The following FAM135B variants were observed in gnomAD, a reference collection of about 807,000 sequenced individuals.
FAM135B encodes the protein protein FAM135B.
A neutral mutation model predicts 127.7 loss-of-function variants in FAM135B; 43 were observed. The ratio of observed to expected loss-of-function variants is 0.34; its 90% CI spans 0.26 to 0.43. The LOEUF (loss-of-function observed/expected upper bound fraction) is 0.43. Among genes scored for constraint, FAM135B ranks in the 20% least tolerant of loss-of-function variants. FAM135B has a pLI of 1.00. For missense variants in FAM135B, 1,558 were observed against 1,725.6 expected, an observed-to-expected ratio of 0.90 and a Z score of 1.72; for synonymous variants, 670 against 665.1, an observed-to-expected ratio of 1.01 and a Z score of -0.11.
chr8:138,383,727 T>C (rs1431586490), intron 1 of FAM135B, among the ~76,000 whole-genome samples: 1 of 152,228 alleles, frequency 6.6e-6, no homozygotes, highest in African/African-American at 2.4e-5. Context: ...ATGATTCTTC[T>C]TGACACTCTG....
intron 2 of FAM135B, among the ~76,000 whole-genome samples, chr8:138,320,352 T>G (rs1313087310): frequency 2.0e-5 from 3 of 152,128 alleles, no homozygotes; most frequent in South Asian, 2.1e-4. Context: ...CAATGGATAG[T>G]TTAGGGATTA....
chr8:138,248,704 C>G (rs1242007502), intron 6 of FAM135B, among the ~76,000 whole-genome samples: 1 of 151,476 alleles, frequency 6.6e-6, no homozygotes, highest in Non-Finnish European at 1.5e-5. Context: ...CCTGTAGTCC[C>G]AGCTACTTGG....
At chr8:138,436,192 C>T (rs1159991942) in intron 1 of FAM135B, among the ~76,000 whole-genome samples, 1 of 152,166 alleles carries the variant, frequency 6.6e-6, no homozygotes, top group African/African-American at 2.4e-5. Flanking sequence ...AAACAAGCGG[C>T]TAAGCAAATG....
At chr8:138,256,575 G>A (rs572802457) in intron 5 of FAM135B, 114 bp downstream of exon 5, 11 of 828,636 alleles carry the variant, frequency 1.3e-5, no homozygotes, top group African/African-American at 3.4e-5. Flanking sequence ...CTTATCAGGA[G>A]ATGCTGATCT....
At chr8:138,434,242 TG>T (rs1563999288) in intron 1 of FAM135B, among the ~76,000 whole-genome samples, 3 of 152,184 alleles carry the variant, frequency 2.0e-5, no homozygotes, top group Middle Eastern at 3.2e-3. Context: ...AAAAATCAAT[TG>T]CTGTCTAAAT....
intron 9 of FAM135B, among the ~76,000 whole-genome samples, chr8:138,181,387 A>T (rs980892823): frequency 6.6e-6 from 1 of 152,148 alleles, no homozygotes; most frequent in Non-Finnish European, 1.5e-5. Context: ...AGTGCCTCTC[A>T]CTAATAAGAC....
At chr8:138,197,779 T>C (rs1816779488) in intron 7 of FAM135B, 110 bp from the exon 8 acceptor site, 1 of 1,253,922 alleles carries the variant, frequency 8.0e-7, no homozygotes. Flanking sequence ...TGTTTGGAGG[T>C]TCAGGGAAGG....
chr8:138,473,087 C>T (rs1241006562), intron 1 of FAM135B, among the ~76,000 whole-genome samples: 1 of 152,070 alleles, frequency 6.6e-6, no homozygotes, highest in Non-Finnish European at 1.5e-5. Context: ...CAACTCAAAC[C>T]ATTTCCACCT....
intron 1 of FAM135B, among the ~76,000 whole-genome samples, chr8:138,426,476 T>C (rs1406101373): frequency 1.3e-5 from 2 of 151,284 alleles, no homozygotes; most frequent in African/African-American, 2.4e-5. Context: ...TTCTTGGTGA[T>C]ATACTCAACT....
At chr8:138,145,834 G>A in intron 15 of FAM135B, 125 bp downstream of exon 15, 1 of 574,186 alleles carries the variant, frequency 1.7e-6, no homozygotes, top group African/African-American at 1.9e-5. Flanking sequence ...CAAATGCCTG[G>A]CCAGCATCTC....
intron 3 of FAM135B, among the ~76,000 whole-genome samples, chr8:138,280,477 G>A (rs941249658): frequency 1.3e-5 from 2 of 152,120 alleles, no homozygotes; most frequent in Non-Finnish European, 2.9e-5. Flanking sequence ...TATGCTGCTG[G>A]GGGCTGAGCA....
chr8:138,332,212 G>A (rs1175456285), intron 2 of FAM135B, among the ~76,000 whole-genome samples: 2 of 152,110 alleles, frequency 1.3e-5, no homozygotes. Context: ...TGCTTGCATT[G>A]CATCAGGACC....
chr8:138,407,942 A>G (rs1431881800), intron 1 of FAM135B, among the ~76,000 whole-genome samples: 1 of 152,158 alleles, frequency 6.6e-6, no homozygotes, highest in African/African-American at 2.4e-5. Flanking sequence ...ATCTTTTTTT[A>G]CTTTCTGAGC....
Position 138,131,211 on chromosome 8 carries a change from T to C in FAM135B, c.*1382A>G, listed in dbSNP as rs1040032585. 4 of 152,190 alleles carry C rather than the reference T, an allele frequency of 2.6e-5. No individual in the cohort carries two copies. The highest frequency in any genetic ancestry group is 2.6e-4 in the Admixed American group (4 of 15,284). 9.4% of individuals were successfully genotyped at this position (152,190 alleles called of 1,614,324 possible). On this transcript the variant is annotated 3_prime_UTR_variant, in exon 20 of 20. Transcript: ENST00000395297. ...CTGGTCCTAGATGCGTTTCCACACT[T>C]CAGAAGGGATTTTTGCAGAAGCAGG...
chr8:138,280,376 G>A (rs919208317), intron 3 of FAM135B, among the ~76,000 whole-genome samples: 11 of 151,590 alleles, frequency 7.3e-5, no homozygotes, highest in Admixed American at 1.3e-4. Flanking sequence ...TGTTCTCCTG[G>A]GCTCATTTAC....
intron 10 of FAM135B, 77 bp from the exon 11 acceptor site, chr8:138,177,497 C>T: frequency 1.6e-6 from 2 of 1,265,540 alleles, no homozygotes; most frequent in Non-Finnish European, 2.2e-6. Context: ...TTAATTGAGG[C>T]TCAAAAAGAT....
rs1820103148 is a variant in FAM135B at position 138,168,048 on chromosome 8, T to A, written c.1105A>T (p.Ile369Leu). Residue 369 changes from isoleucine to leucine, a missense_variant and splice_region_variant, in exon 12 of 20, where the codon ATA (isoleucine) becomes TTA (leucine). Coordinates refer to ENST00000395297, the MANE Select transcript of FAM135B (RefSeq NM_015912.4). ...LAVLTFQENL[I>L]QTHSQLSLDI... ...AGGGACAGCTGGCTGTGCGTCTGTA[T>A]CCTGGGGAGCACATGGCAGGGTGAG... 2 of 1,611,326 alleles carry A rather than the reference T, an allele frequency of 1.2e-6. No homozygotes were observed. The highest frequency in any genetic ancestry group is 1.1e-5 in the South Asian group (1 of 90,610).
intron 7 of FAM135B, among the ~76,000 whole-genome samples, chr8:138,207,499 C>A (rs114603662): frequency 6.6e-6 from 1 of 151,998 alleles, no homozygotes; most frequent in East Asian, 1.9e-4. Context: ...CATGAGTCAC[C>A]GCGCCCCACC....
chr8:138,247,826 C>T (rs1002218333), intron 6 of FAM135B, among the ~76,000 whole-genome samples: 2 of 152,196 alleles, frequency 1.3e-5, no homozygotes, highest in Non-Finnish European at 2.9e-5. Context: ...ATTCTCAATT[C>T]CTTAATGTGC....
Sources: allele counts gnomAD v4.1 joint callset (sites outside exome capture counted in the v4.1 genomes callset), GRCh38; gene constraint gnomAD v4.1.1; transcripts MANE v1.5; gene names NCBI Gene and HGNC (gene_info 2026-07-23, HGNC 2026-07-21).